MOK: variants seen among roughly 807,000 people sequenced by gnomAD.
The protein encoded by MOK is MOK protein kinase, also known as MAPK/MAK/MRK overlapping kinase.
Under a neutral mutation model 54.2 loss-of-function variants are expected in MOK, and 59 were observed. That is an observed-to-expected ratio of 1.09 (90% CI 0.88 to 1.35). MOK has a LOEUF of 1.35. Ranked by LOEUF, MOK falls within the 40% of genes most tolerant of loss-of-function variation. The pLI is 0.00. For synonymous variants in MOK, 210 were observed against 202.7 expected (o/e 1.04, Z -0.31); for missense variants, 517 against 526.2 (o/e 0.98, Z 0.17).
Position 102,233,775 on chromosome 14 carries a change from AAG to A in MOK, c.603_604del (p.Phe202SerfsTer5), listed in dbSNP as rs2064963230. The A allele has an allele frequency of 3.1e-6, 5 of 1,613,652 alleles. No homozygotes were observed. Among genetic ancestry groups the A allele is most frequent in the Non-Finnish European group, 4.2e-6 (5 of 1,179,720 alleles). ...TTGGTCCAGTTCATTTACTCCAGGA[AAG>A]AGGGGCTGCAGACTGGAAGGGCAGA... On this transcript the variant is annotated frameshift_variant, in exon 8 of 12. Transcript: ENST00000361847. LOFTEE classifies it high-confidence loss of function.
At chr14:102,271,389 GA>G (rs1316595519) in intron 2 of MOK, among the ~76,000 whole-genome samples, 1 of 151,878 alleles carries the variant, frequency 6.6e-6, no homozygotes, top group Non-Finnish European at 1.5e-5. Flanking sequence ...ATCATTGTGG[GA>G]GGGACCTTCC....
chr14:102,268,825 G>A (rs1370003175), intron 2 of MOK, among the ~76,000 whole-genome samples: 2 of 151,382 alleles, frequency 1.3e-5, no homozygotes, highest in Admixed American at 1.3e-4. Context: ...TGAGGCAGGA[G>A]AATGGCGTAA....
chr14:102,295,563 G>A (rs1257287792), intron 1 of MOK, among the ~76,000 whole-genome samples: 3 of 152,200 alleles, frequency 2.0e-5, no homozygotes, highest in Non-Finnish European at 4.4e-5. Flanking sequence ...TAGAGTATGC[G>A]AGGAAGAAGA....
chr14:102,226,895 C>T (rs1342476739), downstream of MOK, among the ~76,000 whole-genome samples: 11 of 152,206 alleles, frequency 7.2e-5, no homozygotes, highest in Non-Finnish European at 1.3e-4. This position sits in a 1 kb window ranked among gnomAD's most constrained non-coding sequence, Gnocchi z 4.8. Flanking sequence ...CCTGGAGGCC[C>T]AGCTGCCCTG....
chr14:102,246,951 C>T (rs982511721), intron 7 of MOK, among the ~76,000 whole-genome samples: 4 of 152,156 alleles, frequency 2.6e-5, no homozygotes, highest in Non-Finnish European at 4.4e-5. Context: ...ACAATAAAGA[C>T]AGGCTTCGTT....
chr14:102,232,063 G>A lies in MOK; in HGVS notation c.867-242C>T. ...GCCTACCCAGGGACTCGCAGTTTCA[G>A]ATCAAACTGTCACCTCCACAGTTAG... is the stretch of plus-strand genomic sequence containing the variant. On this transcript the variant is annotated intron_variant, in intron 9 of 11. Coordinates refer to ENST00000361847, the MANE Select transcript of MOK (RefSeq NM_014226.3). This position sits in a 1 kb window ranked among gnomAD's most constrained non-coding sequence, Gnocchi z 5.1. The A allele has an allele frequency of 2.3e-6, 1 of 442,062 alleles. No individual in the cohort carries two copies. Among genetic ancestry groups the A allele is most frequent in the Non-Finnish European group, 4.0e-6 (1 of 248,096 alleles). The allele number at this position is 442,062 out of a possible 1,614,324, so 27.4% of individuals were successfully genotyped here. A position where few individuals can be genotyped will look rare whatever the true frequency, so the allele number is the denominator to read the frequency against.
At chr14:102,224,643 A>G (rs1217887171), downstream of MOK, 1 of 456,014 alleles carries the variant, frequency 2.2e-6, no homozygotes, top group Admixed American at 2.3e-5. Context: ...ATTTGTATGA[A>G]TGCAGCCACG....
At chr14:102,215,219 A>G in the MOK span, among the ~76,000 whole-genome samples, 1 of 152,190 alleles carries the variant, frequency 6.6e-6, no homozygotes, top group East Asian at 1.9e-4. Flanking sequence ...ATACTGTTTT[A>G]TGTGGTCCTC....
chr14:102,295,054 A>T (rs1036451255), intron 1 of MOK, among the ~76,000 whole-genome samples: 4 of 152,238 alleles, frequency 2.6e-5, no homozygotes, highest in African/African-American at 9.6e-5. Flanking sequence ...CTCCAACAAG[A>T]TCTGGCGTAT....
At chr14:102,296,743 G>C (rs8012861) in intron 1 of MOK, among the ~76,000 whole-genome samples, 1 of 151,972 alleles carries the variant, frequency 6.6e-6, no homozygotes, top group Middle Eastern at 3.4e-3. Flanking sequence ...AACATGGTGA[G>C]ACCCTCATCT....
chr14:102,283,391 T>G, intron 2 of MOK, 87 bp downstream of exon 2: 1 of 774,888 alleles, frequency 1.3e-6, no homozygotes, highest in South Asian at 1.9e-5. Flanking sequence ...ATTATTAAAT[T>G]AATAAAGCTC....
At chr14:102,256,890 C>T (rs889833142) in intron 4 of MOK, among the ~76,000 whole-genome samples, 65 of 152,244 alleles carry the variant, frequency 4.3e-4, no homozygotes, top group African/African-American at 1.3e-3. Flanking sequence ...CATAAGCACA[C>T]GCGCCCAAAT....
downstream of MOK, among the ~76,000 whole-genome samples, chr14:102,220,434 T>C (rs537088909): frequency 6.6e-6 from 1 of 152,326 alleles, no homozygotes; most frequent in South Asian, 2.1e-4. This position sits in a 1 kb window ranked among gnomAD's most constrained non-coding sequence, Gnocchi z 4.2. Context: ...AGTTAAAATA[T>C]TAAAATTGGC....
intron 7 of MOK, among the ~76,000 whole-genome samples, chr14:102,246,870 A>T (rs1339809347): frequency 6.6e-6 from 1 of 150,706 alleles, no homozygotes; most frequent in Non-Finnish European, 1.5e-5. Flanking sequence ...CAGCCACCTA[A>T]ATTCCAAACT....
intron 3 of MOK, among the ~76,000 whole-genome samples, chr14:102,264,821 C>T (rs995905754): frequency 6.6e-6 from 1 of 152,230 alleles, no homozygotes; most frequent in African/African-American, 2.4e-5. Context: ...GCCGATCTTA[C>T]AGGCCAGGCT....
downstream of MOK, among the ~76,000 whole-genome samples, chr14:102,227,455 AC>A (rs1013259377): frequency 1.3e-5 from 2 of 149,856 alleles, no homozygotes; most frequent in African/African-American, 4.9e-5. Flanking sequence ...GAACGGCACC[AC>A]CCCCCTGCTC....
At chr14:102,215,089 T>A in the MOK span, 1 of 716,814 alleles carries the variant, frequency 1.4e-6, no homozygotes, top group East Asian at 1.3e-4. Context: ...TTAAATGCTG[T>A]AAAATTAAGG....
chr14:102,247,079 C>T (rs1028494550), intron 7 of MOK, among the ~76,000 whole-genome samples: 11 of 152,174 alleles, frequency 7.2e-5, no homozygotes, highest in Admixed American at 2.0e-4. Context: ...TGCACCATCC[C>T]TGCACCCGCC....
Position 102,251,938 on chromosome 14 carries a change from T to G in MOK, c.341A>C (p.Lys114Thr), listed in dbSNP as rs150272788. The change falls in exon 5 of 12, where the codon AAG (lysine) becomes ACG (threonine). Residue 114 changes from lysine (K) to threonine (T), a missense_variant. Transcript: ENST00000361847. ...KIMHYMYQLC[K>T]SLDHIHRNGI... ...ATACCTGTGAATATGATCCAGGGACTTACATAACTGGTACATATAGTGCAT... is the reference window on the plus strand; with the variant it reads ...ATACCTGTGAATATGATCCAGGGACGTACATAACTGGTACATATAGTGCAT... The G allele has an allele frequency of 1.2e-6, 2 of 1,606,042 alleles. No homozygotes were observed. Among genetic ancestry groups the G allele is most frequent in the African/African-American group, 2.7e-5 (2 of 74,712 alleles).
Sources: allele counts gnomAD v4.1 joint callset (sites outside exome capture counted in the v4.1 genomes callset), GRCh38; gene constraint gnomAD v4.1.1; non-coding constraint Gnocchi (gnomAD v3.1); transcripts MANE v1.5; gene names NCBI Gene and HGNC (gene_info 2026-07-23, HGNC 2026-07-21).